Variants in SUCLG2 observed in about 807,000 individuals in gnomAD.
The protein encoded by SUCLG2 is succinate-CoA ligase GDP-forming subunit beta, also known as succinate--CoA ligase [GDP-forming] subunit beta, mitochondrial.
A neutral mutation model predicts 47.9 loss-of-function variants in SUCLG2; 42 were observed. The ratio of observed to expected loss-of-function variants is 0.88; its 90% CI spans 0.69 to 1.14. The LOEUF (loss-of-function observed/expected upper bound fraction) is 1.14, where lower values mean the gene tolerates loss of function less well. SUCLG2 is among the 50% of genes most tolerant of loss of function. The pLI, the probability that SUCLG2 is intolerant of heterozygous loss-of-function variation, is 0.00. For missense variants in SUCLG2, 571 were observed against 525.9 expected, an observed-to-expected ratio of 1.09 and a Z score of -0.84; for synonymous variants, 195 against 197.3, an observed-to-expected ratio of 0.99 and a Z score of 0.10.
chr3:67,525,298 T>C (rs1382303701), intron 4 of SUCLG2, among the ~76,000 whole-genome samples: 3 of 152,110 alleles, frequency 2.0e-5, no homozygotes, highest in Non-Finnish European at 4.4e-5. Context: ...CATAAAAAGG[T>C]ATAGGAACTA....
intron 9 of SUCLG2, among the ~76,000 whole-genome samples, chr3:67,476,227 A>T (rs1291220862): frequency 6.6e-6 from 1 of 152,006 alleles, no homozygotes; most frequent in Non-Finnish European, 1.5e-5. Flanking sequence ...GCCGCACAGC[A>T]GGAGGTGAGC....
intron 2 of SUCLG2, among the ~76,000 whole-genome samples, chr3:67,600,536 G>A (rs1017203144): frequency 6.6e-6 from 1 of 152,202 alleles, no homozygotes; most frequent in Middle Eastern, 3.2e-3. Context: ...TGTATAGCCT[G>A]TGTTTCTTCT....
At chr3:67,360,683 C>G in exon 11 of SUCLG2, 2 of 1,527,270 alleles carry the variant, frequency 1.3e-6, no homozygotes, top group Non-Finnish European at 1.8e-6. Flanking sequence ...GGGCGACGTT[C>G]TCTTGGATAC....
At chr3:67,527,436 A>T (rs1706284333) in intron 4 of SUCLG2, among the ~76,000 whole-genome samples, 1 of 152,216 alleles carries the variant, frequency 6.6e-6, no homozygotes, top group South Asian at 2.1e-4. Flanking sequence ...TTGGCACTGG[A>T]TTCTGCAACC....
intron 2 of SUCLG2, among the ~76,000 whole-genome samples, chr3:67,601,205 T>C (rs1708410605): frequency 6.6e-6 from 1 of 152,228 alleles, no homozygotes; most frequent in South Asian, 2.1e-4. Context: ...TGATGTCATA[T>C]ACATATGTAC....
At position 67,440,733 on chromosome 3, in the gene SUCLG2, T is replaced by C. The variant is rs148831430; in HGVS notation, c.1063-39882A>G. Among the ~76,000 whole-genome samples the C allele has an allele frequency of 4.9e-3, 745 of 152,270 alleles. 2 individuals carry two copies. Among genetic ancestry groups the C allele is most frequent in the Non-Finnish European group, 8.3e-3 (567 of 68,014 alleles). ...CATTAAAAAGTCAGGAAACAACAGA[T>C]ACTGGAGAGGATGTGGAGAAACAGG... On this transcript the variant is annotated intron_variant, in intron 9 of 10. Coordinates refer to ENST00000307227, the MANE Select transcript of SUCLG2 (RefSeq NM_003848.4).
intron 2 of SUCLG2, among the ~76,000 whole-genome samples, chr3:67,595,452 T>C (rs945873156): frequency 6.6e-6 from 1 of 151,622 alleles, no homozygotes; most frequent in Non-Finnish European, 1.5e-5. Context: ...AGGAAAGGAG[T>C]GCCAGGGTGG....
In SUCLG2 at chr3:67,595,953, C is replaced by G. The variant is rs371795680; in HGVS notation, c.226+13502G>C. ...TAAAGGTAAAACAAGATGAATGTGT[C>G]TCCTAAGACATCAGGATGGCAGATC... On this transcript the variant is annotated intron_variant, in intron 2 of 10. Coordinates refer to ENST00000307227, the MANE Select transcript of SUCLG2 (RefSeq NM_003848.4). Among the ~76,000 whole-genome samples, 5 of 152,316 alleles carry G rather than the reference C, an allele frequency of 3.3e-5. 1 individual carries two copies. The South Asian group carries it at 1.0e-3, about 32-fold the overall frequency.
chr3:67,431,879 G>T (rs1463151992), intron 9 of SUCLG2, among the ~76,000 whole-genome samples: 1 of 152,168 alleles, frequency 6.6e-6, no homozygotes, highest in Non-Finnish European at 1.5e-5. Context: ...AGAACTTAAA[G>T]TATAATAAAA....
chr3:67,544,676 T>C (rs545409212), intron 2 of SUCLG2, among the ~76,000 whole-genome samples: 5 of 152,294 alleles, frequency 3.3e-5, no homozygotes, highest in African/African-American at 9.6e-5. Flanking sequence ...TCTAGGAAGA[T>C]GGGACTGGAG....
At chr3:67,467,340 C>T (rs1353527540) in intron 9 of SUCLG2, among the ~76,000 whole-genome samples, 1 of 152,226 alleles carries the variant, frequency 6.6e-6, no homozygotes, top group Non-Finnish European at 1.5e-5. Flanking sequence ...CAGTTTCTCA[C>T]AATTTTCTTA....
intron 9 of SUCLG2, among the ~76,000 whole-genome samples, chr3:67,405,380 G>A (rs4132745): frequency 0.72 from 109,699 of 151,682 alleles, 40,207 homozygotes; most frequent in Admixed American, 0.82. Flanking sequence ...AGCTTCTTTT[G>A]ACATCATCCC....
chr3:67,484,804 G>A (rs557110980), intron 9 of SUCLG2, among the ~76,000 whole-genome samples: 1 of 152,268 alleles, frequency 6.6e-6, no homozygotes, highest in African/African-American at 2.4e-5. Flanking sequence ...TGGTTATAAA[G>A]ATTAAAAAGA....
chr3:67,524,263 T>C (rs1706195860), intron 4 of SUCLG2, among the ~76,000 whole-genome samples: 1 of 152,234 alleles, frequency 6.6e-6, no homozygotes, highest in African/African-American at 2.4e-5. Context: ...ACATCGTCTT[T>C]GTGGAGTCCA....
intron 9 of SUCLG2, among the ~76,000 whole-genome samples, chr3:67,414,550 T>C (rs924248228): frequency 1.3e-5 from 2 of 152,220 alleles, no homozygotes; most frequent in Admixed American, 6.5e-5. Context: ...ACATGCCTTT[T>C]CAAATGGGGC....
At chr3:67,552,695 T>G (rs1222878798) in intron 2 of SUCLG2, among the ~76,000 whole-genome samples, 1 of 152,212 alleles carries the variant, frequency 6.6e-6, no homozygotes, top group Non-Finnish European at 1.5e-5. Context: ...TTTCTTCATC[T>G]GCAAAACAGA....
chr3:67,519,136 G>C (rs1398985927), intron 5 of SUCLG2, among the ~76,000 whole-genome samples: 1 of 152,014 alleles, frequency 6.6e-6, no homozygotes, highest in African/African-American at 2.4e-5. Flanking sequence ...TGTCTGAGTA[G>C]GTTTTCTCTG....
At chr3:67,540,165 C>T (rs1156342533) in intron 2 of SUCLG2, among the ~76,000 whole-genome samples, 1 of 151,564 alleles carries the variant, frequency 6.6e-6, no homozygotes, top group East Asian at 2.0e-4. Context: ...TCGATTTTAG[C>T]TCTTTCTTGC....
intron 6 of SUCLG2, among the ~76,000 whole-genome samples, chr3:67,513,019 T>C (rs1325297051): frequency 6.6e-6 from 1 of 150,806 alleles, no homozygotes; most frequent in Non-Finnish European, 1.5e-5. Context: ...ATAGAGATAT[T>C]AGAGATCTCT....
Sources: allele counts gnomAD v4.1 joint callset (sites outside exome capture counted in the v4.1 genomes callset), GRCh38; gene constraint gnomAD v4.1.1; transcripts MANE v1.5; gene names NCBI Gene and HGNC (gene_info 2026-07-23, HGNC 2026-07-21).